Variants in MTOR observed in about 807,000 individuals in gnomAD.
MTOR encodes mechanistic target of rapamycin kinase.
A neutral mutation model predicts 319.8 loss-of-function variants in MTOR; 70 were observed. The ratio of observed to expected loss-of-function variants is 0.22; its 90% CI spans 0.18 to 0.27. The LOEUF (loss-of-function observed/expected upper bound fraction) is 0.27, where lower values mean the gene tolerates loss of function less well. Among genes scored for constraint, MTOR ranks in the 10% least tolerant of loss-of-function variants. The pLI, the probability that MTOR is intolerant of heterozygous loss-of-function variation, is 1.00. For synonymous variants in MTOR, 1,183 were observed against 1,211.4 expected, an observed-to-expected ratio of 0.98 and a Z score of 0.49; for missense variants, 1,890 against 3,274.4, an observed-to-expected ratio of 0.58 and a Z score of 10.32.
Position 11,199,413 on chromosome 1 carries a change from A to G in MTOR, c.4108-10T>C. On this transcript the variant is annotated splice_polypyrimidine_tract_variant and intron_variant, in intron 27 of 57. Coordinates refer to ENST00000361445, the MANE Select transcript of MTOR (RefSeq NM_004958.4). This position sits in a 1 kb window ranked among gnomAD's most constrained non-coding sequence, Gnocchi z 4.5. ...TCAGTGGCAGGGGGCCCTGGAGAAG[A>G]GCAAAACCTCACAGCACAGGAAAAT... 2 of 1,614,158 alleles carry G rather than the reference A, an allele frequency of 1.2e-6. No individual in the cohort carries two copies. The highest frequency in any genetic ancestry group is 1.1e-5 in the South Asian group (1 of 91,072).
At chr1:11,142,110 G>A (rs1294545511) in intron 34 of MTOR, among the ~76,000 whole-genome samples, 1 of 152,132 alleles carries the variant, frequency 6.6e-6, no homozygotes, top group Non-Finnish European at 1.5e-5. Flanking sequence ...AGTCAGGTTG[G>A]GGACGGCTGC....
chr1:11,239,979 C>T (rs1647788168), intron 11 of MTOR, among the ~76,000 whole-genome samples: 1 of 151,706 alleles, frequency 6.6e-6, no homozygotes, highest in South Asian at 2.1e-4. Context: ...CCTACTTATA[C>T]ATTTTAAAGC....
At chr1:11,158,906 A>G (rs1644394217) in intron 29 of MTOR, among the ~76,000 whole-genome samples, 1 of 152,248 alleles carries the variant, frequency 6.6e-6, no homozygotes, top group African/African-American at 2.4e-5. Context: ...TTGCTGTTAC[A>G]TAAATTTTGC....
At chr1:11,255,846 CAA>C (rs35904498) in intron 5 of MTOR, 144 bp downstream of exon 5, 7,044 of 525,888 alleles carry the variant, frequency 0.013, no homozygotes, top group South Asian at 0.018. Flanking sequence ...GACTCCATCA[CAA>C]AAAAAAAAAA....
At chr1:11,108,119 G>T in intron 57 of MTOR, 62 bp downstream of exon 57, 1 of 1,348,784 alleles carries the variant, frequency 7.4e-7, no homozygotes, top group Non-Finnish European at 1.1e-6. Flanking sequence ...CTCTGGCTTT[G>T]GGGCCTAGGC....
At chr1:11,251,759 T>C (rs1298981391) in intron 6 of MTOR, among the ~76,000 whole-genome samples, 3 of 151,422 alleles carry the variant, frequency 2.0e-5, no homozygotes, top group African/African-American at 7.3e-5. Flanking sequence ...AATGCTTGGA[T>C]TGGATTACAG....
chr1:11,129,896 T>C lies in MTOR; in HGVS notation c.5614-58A>G, dbSNP rs968060142. On this transcript the variant is annotated intron_variant, in intron 39 of 57. Coordinates refer to ENST00000361445, the MANE Select transcript of MTOR (RefSeq NM_004958.4). The surrounding 1 kb of genome is among the most constrained non-coding windows in gnomAD (Gnocchi z 4.7). ...TGCCTCTGCTTTCTCATCTGTAAAA[T>C]GGGCATAAGAGCATACTAACTGTAC... is the stretch of plus-strand genomic sequence containing the variant. The C allele has an allele frequency of 6.1e-6, 9 of 1,477,572 alleles. No homozygotes were observed. Among genetic ancestry groups the C allele is most frequent in the African/African-American group, 1.4e-5 (1 of 72,208 alleles). The allele number at this position is 1,477,572 out of a possible 1,614,324, so 91.5% of individuals were successfully genotyped here.
intron 19 of MTOR, among the ~76,000 whole-genome samples, chr1:11,223,870 T>C (rs1343412680): frequency 6.6e-6 from 1 of 151,786 alleles, no homozygotes; most frequent in African/African-American, 2.4e-5. Context: ...TGAAATCCTA[T>C]CTCTACTAAA....
In MTOR at chr1:11,244,674, C is replaced by T. The variant is rs1332339507; in HGVS notation, c.1226-1374G>A. Among the ~76,000 whole-genome samples, 3 of 152,280 alleles carry T rather than the reference C, an allele frequency of 2.0e-5. No homozygotes were observed. The South Asian group carries it at 6.2e-4, about 32-fold the overall frequency. On this transcript the variant is annotated intron_variant, in intron 8 of 57. Coordinates refer to ENST00000361445, the MANE Select transcript of MTOR (RefSeq NM_004958.4). ...ACAAAAAAACAGTACAGTCGTGTGC[C>T]ACTTAACAACGTTTGGGTTAACAAT...
Position 11,109,408 on chromosome 1 carries a change from G to A in MTOR, c.7448-38C>T, listed in dbSNP as rs1308970675. ...AAAGTAGAAATAACTGTAAGAATGG[G>A]AGCAATACAACAGGTTCAATGGGTG... On this transcript the variant is annotated intron_variant, in intron 55 of 57. Coordinates refer to ENST00000361445, the MANE Select transcript of MTOR (RefSeq NM_004958.4). The surrounding 1 kb of genome is among the most constrained non-coding windows in gnomAD (Gnocchi z 4.0). The A allele has an allele frequency of 5.0e-6, 8 of 1,592,488 alleles. No homozygotes were observed. Among genetic ancestry groups the A allele is most frequent in the Non-Finnish European group, 6.9e-6 (8 of 1,161,504 alleles).
At chr1:11,165,825 C>T (rs1343636504) in intron 29 of MTOR, among the ~76,000 whole-genome samples, 3 of 152,290 alleles carry the variant, frequency 2.0e-5, no homozygotes, top group African/African-American at 4.8e-5. Context: ...GGAGGCATCA[C>T]GCTACCTGAC....
In MTOR at chr1:11,243,147, C is replaced by T. The variant is rs928111290; in HGVS notation, c.1379G>A (p.Arg460Gln). Reference protein sequence around the residue: ...VYLPRVLDIIRAALPPKDFAH... With the variant: ...VYLPRVLDIIQAALPPKDFAH... ...GAAGTCCTTTGGGGGCAGGGCCGCT[C>T]GGATGATGTCCAGCACGCGAGGCAA... The change falls in exon 9 of 58, where the codon CGA (arginine) becomes CAA (glutamine). Residue 460 changes from arginine to glutamine, a missense_variant. Around this residue, in one of 15 missense-constraint regions of MTOR, gnomAD observed 418 missense variants for 543.1 expected, o/e 0.77. Coordinates refer to ENST00000361445, the MANE Select transcript of MTOR (RefSeq NM_004958.4). 5.0e-6 allele frequency: 8 copies of T among 1,614,020 alleles called. No homozygotes were observed. In the South Asian group the frequency reaches 6.6e-5, roughly 13 times the overall value.
At chr1:11,152,057 A>G (rs572872235) in intron 30 of MTOR, among the ~76,000 whole-genome samples, 1 of 152,354 alleles carries the variant, frequency 6.6e-6, no homozygotes, top group South Asian at 2.1e-4. Context: ...GGCCTTCACC[A>G]TGCAGCTGTG....
chr1:11,241,477 C>T (rs2100914234), intron 10 of MTOR, 76 bp downstream of exon 10: 2 of 1,510,816 alleles, frequency 1.3e-6, no homozygotes, highest in South Asian at 2.6e-5. Context: ...AACCATGCCT[C>T]ATTCTTTTAA....
Position 11,167,489 on chromosome 1 carries a change from C to A in MTOR, c.4282G>T (p.Ala1428Ser). 1 of 1,613,110 alleles carries A rather than the reference C, an allele frequency of 6.2e-7. No individual in the cohort carries two copies. The highest frequency in any genetic ancestry group is 2.2e-5 in the East Asian group (1 of 44,872). ...GCATATTCTAACACTCCGGCCGCTG[C>A]CTCCGGCTGCTGTAGCTTATTATTA... ...SINNKLQQPE[A>S]AAGVLEYAMK... The change falls in exon 29 of 58, where the codon GCA becomes TCA. Residue 1428 changes from alanine to serine, a missense_variant. Around this residue, in one of 15 missense-constraint regions of MTOR, gnomAD observed 45 missense variants for 107.2 expected, o/e 0.42. Coordinates refer to ENST00000361445, the MANE Select transcript of MTOR (RefSeq NM_004958.4).
chr1:11,254,022 G>A, intron 5 of MTOR, 49 bp from the exon 6 acceptor site: 1 of 1,608,250 alleles, frequency 6.2e-7, no homozygotes, highest in Non-Finnish European at 8.5e-7. Context: ...TACAAACCCA[G>A]AAAGAATACA....
Position 11,252,375 on chromosome 1 carries a change from G to C in MTOR, c.840+1464C>G, listed in dbSNP as rs116337171. Among the ~76,000 whole-genome samples, 659 of 152,024 alleles carry C rather than the reference G, an allele frequency of 4.3e-3. 9 individuals are homozygous for C. The highest frequency in any genetic ancestry group is 0.015 in the African/African-American group (641 of 41,454). ...TGGTCACGAACTCCTGGGATCAAGT[G>C]ATCTTCCCACTTCAGCCTCCCAAAG... On this transcript the variant is annotated intron_variant, in intron 6 of 57. Coordinates refer to ENST00000361445, the MANE Select transcript of MTOR (RefSeq NM_004958.4).
At chr1:11,226,925 G>A (rs1034691300) in intron 19 of MTOR, among the ~76,000 whole-genome samples, 16 of 52,134 alleles carry the variant, frequency 3.1e-4, no homozygotes, top group Non-Finnish European at 1.2e-4. Flanking sequence ...CCCCACCCCC[G>A]CCCCCGCCCC....
rs766502518 is a variant in MTOR, at chr1:11,241,695, G to A, written c.1413-14C>T. 19 of 1,607,500 alleles carry A rather than the reference G, an allele frequency of 1.2e-5. No homozygotes were observed. Among genetic ancestry groups the A allele is most frequent in the South Asian group, 5.5e-5 (5 of 90,596 alleles). ...GCCTTCTGCCTCCTGTAGAGAAATG[G>A]AGAGTGGCTAGTTGAGACATAATGA... is the stretch of plus-strand genomic sequence containing the variant. On this transcript the variant is annotated splice_polypyrimidine_tract_variant and intron_variant, in intron 9 of 57. Coordinates refer to ENST00000361445, the MANE Select transcript of MTOR (RefSeq NM_004958.4).
Sources: gnomAD v4.1 joint callset for allele counts (sites outside exome capture counted in the v4.1 genomes callset) on GRCh38, gnomAD v4.1.1 for gene constraint, gnomAD v4.1.1 regional missense constraint, Gnocchi (gnomAD v3.1) non-coding constraint, MANE v1.5 for transcripts, NCBI Gene and HGNC (gene_info 2026-07-23, HGNC 2026-07-21) for gene names.